Variants in LTF observed in about 807,000 individuals in gnomAD.
LTF encodes lactotransferrin, also known as epididymis luminal protein 110.
A neutral mutation model predicts 87.2 loss-of-function variants in LTF; 91 were observed. The ratio of observed to expected loss-of-function variants is 1.04; its 90% CI spans 0.88 to 1.24. The LOEUF (loss-of-function observed/expected upper bound fraction) is 1.24. Among genes scored for constraint, LTF ranks in the 50% most tolerant of loss-of-function variants. The pLI, the probability that LTF is intolerant of heterozygous loss-of-function variation, is 0.00. For synonymous variants in LTF, 378 were observed against 356.1 expected (o/e 1.06, Z -0.69); for missense variants, 901 against 904.3 (o/e 1.00, Z 0.05).
Position 46,464,896 on chromosome 3 carries a change from C to T in LTF, c.-29G>A. The T allele has an allele frequency of 6.2e-7, 1 of 1,613,322 alleles. No homozygotes were observed. The highest frequency in any genetic ancestry group is 8.5e-7 in the Non-Finnish European group (1 of 1,179,468). ...TGCGGTCTGGAGGCGACTTGGCAAACGAAGGCTCTGCCACTTGCGCCTGCC... is the reference window on the plus strand; with the variant it reads ...TGCGGTCTGGAGGCGACTTGGCAAATGAAGGCTCTGCCACTTGCGCCTGCC... On this transcript the variant is annotated 5_prime_UTR_variant, in exon 1 of 17. Transcript: ENST00000231751.
upstream of LTF, chr3:46,465,304 G>A (rs115201355): frequency 5.4e-6 from 1 of 185,216 alleles, no homozygotes. Flanking sequence ...AGGTGCCTAG[G>A]AGCCAGTTAG....
intron 1 of LTF, among the ~76,000 whole-genome samples, chr3:46,480,920 G>C (rs1212892302): frequency 6.6e-6 from 1 of 152,118 alleles, no homozygotes; most frequent in South Asian, 2.1e-4. Context: ...GGCCATGGGG[G>C]CTGACACATA....
intron 7 of LTF, 99 bp downstream of exon 7, chr3:46,450,396 G>A (rs1222011239): frequency 1.5e-6 from 2 of 1,300,878 alleles, no homozygotes; most frequent in Admixed American, 2.1e-5. Context: ...CTGCAGCAAA[G>A]CTACAGGACT....
chr3:46,447,198 A>AATGTATCTG (rs1440277515), intron 10 of LTF, 110 bp downstream of exon 10: 11 of 749,222 alleles, frequency 1.5e-5, no homozygotes, highest in African/African-American at 1.0e-4. Flanking sequence ...CTCCCTTTTG[A>AATGTATCTG]ATGTATCTGT....
intron 1 of LTF, among the ~76,000 whole-genome samples, chr3:46,462,323 A>G (rs1703102013): frequency 1.4e-5 from 2 of 143,406 alleles, no homozygotes; most frequent in Non-Finnish European, 3.2e-5. Context: ...AACAAATACC[A>G]GCTAATGGAG....
At chr3:46,449,746 G>A (rs1398314786) in intron 8 of LTF, 108 bp downstream of exon 8, 4 of 1,167,514 alleles carry the variant, frequency 3.4e-6, no homozygotes, top group Non-Finnish European at 4.9e-6. Context: ...CCTCCACGAT[G>A]ACCCCACAGT....
At chr3:46,475,522 ACAC>A (rs1703349360) in intron 1 of LTF, among the ~76,000 whole-genome samples, 1 of 37,816 alleles carries the variant, frequency 2.6e-5, no homozygotes, top group East Asian at 1.9e-3. Flanking sequence ...CTAAACACAC[ACAC>A]ACACACACAC....
At chr3:46,448,159 T>C (rs903943928) in intron 9 of LTF, among the ~76,000 whole-genome samples, 3 of 151,876 alleles carry the variant, frequency 2.0e-5, no homozygotes, top group Admixed American at 2.0e-4. Flanking sequence ...AGCCCAGGAG[T>C]TCGAGACGAG....
At chr3:46,461,242 C>T (rs1703074253) in intron 1 of LTF, among the ~76,000 whole-genome samples, 1 of 152,242 alleles carries the variant, frequency 6.6e-6, no homozygotes, top group Non-Finnish European at 1.5e-5. Flanking sequence ...AACAGGTTGG[C>T]AGCTTCTCAA....
intron 1 of LTF, among the ~76,000 whole-genome samples, chr3:46,474,628 A>ATC (rs1457616643): frequency 2.0e-5 from 3 of 152,198 alleles, no homozygotes; most frequent in Non-Finnish European, 2.9e-5. Context: ...AGAGCCCTTT[A>ATC]CCCAACAATA....
chr3:46,439,696 G>A (rs1244669707), intron 14 of LTF, among the ~76,000 whole-genome samples: 1 of 152,220 alleles, frequency 6.6e-6, no homozygotes, highest in Non-Finnish European at 1.5e-5. Context: ...ATGTTATTCA[G>A]CAATAAAAGG....
chr3:46,465,374 C>T (rs147164577), upstream of LTF, among the ~76,000 whole-genome samples: 546 of 152,268 alleles, frequency 3.6e-3, 1 homozygote, highest in Middle Eastern at 0.01. Flanking sequence ...AAAGATGACC[C>T]GACCACCCCC....
intron 1 of LTF, among the ~76,000 whole-genome samples, chr3:46,473,490 G>C (rs972088584): frequency 6.6e-6 from 1 of 152,204 alleles, no homozygotes; most frequent in Non-Finnish European, 1.5e-5. Flanking sequence ...AGATGTAGTG[G>C]TTTAACCAGC....
At chr3:46,446,235 G>A (rs1702650578) in intron 11 of LTF, among the ~76,000 whole-genome samples, 2 of 152,162 alleles carry the variant, frequency 1.3e-5, no homozygotes, top group South Asian at 4.2e-4. Flanking sequence ...CTATATGGAT[G>A]TTCTTTGCCA....
intron 11 of LTF, among the ~76,000 whole-genome samples, chr3:46,446,036 T>G (rs1424465754): frequency 6.6e-6 from 1 of 152,184 alleles, no homozygotes; most frequent in Non-Finnish European, 1.5e-5. Flanking sequence ...GGAGGAGTGG[T>G]GCACAGAGCA....
intron 11 of LTF, among the ~76,000 whole-genome samples, chr3:46,445,839 C>T (rs1204919211): frequency 6.6e-6 from 1 of 152,228 alleles, no homozygotes; most frequent in African/African-American, 2.4e-5. Context: ...CAACATCCAG[C>T]CAGCTAACGG....
At chr3:46,446,255 G>A (rs1201263164) in intron 11 of LTF, among the ~76,000 whole-genome samples, 185 bp downstream of exon 11, 2 of 152,098 alleles carry the variant, frequency 1.3e-5, no homozygotes, top group Non-Finnish European at 2.9e-5. Flanking sequence ...AAGTGTGAAG[G>A]TCAATATAAA....
At chr3:46,448,553 T>C (rs545897471) in intron 9 of LTF, among the ~76,000 whole-genome samples, 1 of 152,338 alleles carries the variant, frequency 6.6e-6, no homozygotes, top group East Asian at 1.9e-4. Flanking sequence ...ACCATGTCTG[T>C]CCCTCTGTGT....
At chr3:46,475,274 TAA>T (rs147891280) in intron 1 of LTF, among the ~76,000 whole-genome samples, 7,885 of 152,232 alleles carry the variant, frequency 0.052, 709 homozygotes, top group African/African-American at 0.18. Flanking sequence ...CTCATGATTT[TAA>T]AACTCTCAAA....
Sources: gnomAD v4.1 joint callset for allele counts (sites outside exome capture counted in the v4.1 genomes callset) on GRCh38, gnomAD v4.1.1 for gene constraint, MANE v1.5 for transcripts, NCBI Gene and HGNC (gene_info 2026-07-23, HGNC 2026-07-21) for gene names.